The following UBE2R2 variants were observed in gnomAD, a reference collection of about 807,000 sequenced individuals.
The protein encoded by UBE2R2 is ubiquitin-conjugating enzyme E2 R2.
Under a neutral mutation model 27.8 loss-of-function variants are expected in UBE2R2, and 1 was observed. The ratio of observed to expected loss-of-function variants is 0.04; its 90% CI spans 0.01 to 0.17. The LOEUF is 0.17. Among genes scored for constraint, UBE2R2 ranks in the 10% least tolerant of loss-of-function variants. The pLI, the probability that UBE2R2 is intolerant of heterozygous loss-of-function variation, is 1.00. For synonymous variants in UBE2R2, 106 were observed against 113.3 expected (o/e 0.94, Z 0.41); for missense variants, 100 against 291.0 (o/e 0.34, Z 4.78).
At chr9:33,876,373 TAAAC>T (rs1821603098) in intron 1 of UBE2R2, among the ~76,000 whole-genome samples, 1 of 151,578 alleles carries the variant, frequency 6.6e-6, no homozygotes, top group African/African-American at 2.4e-5. Flanking sequence ...AATAAGTAAA[TAAAC>T]AGTTAATAAG....
At chr9:33,893,994 A>G (rs1822042310) in intron 2 of UBE2R2, among the ~76,000 whole-genome samples, 1 of 152,074 alleles carries the variant, frequency 6.6e-6, no homozygotes, top group Admixed American at 6.6e-5. Context: ...CTGGGATTAC[A>G]GGCATGTGAG....
upstream of UBE2R2, among the ~76,000 whole-genome samples, chr9:33,817,065 GGCACGC>G (rs1309329152): frequency 6.6e-6 from 1 of 151,526 alleles, no homozygotes; most frequent in African/African-American, 2.4e-5. Context: ...GGGAGGGAGG[GGCACGC>G]GCACGCGCGT....
chr9:33,830,023 C>T (rs577156474), intron 1 of UBE2R2, among the ~76,000 whole-genome samples: 84 of 152,080 alleles, frequency 5.5e-4, no homozygotes, highest in Non-Finnish European at 9.4e-4. Flanking sequence ...TCTCGAACTC[C>T]CGACCTCTGG....
chr9:33,900,257 T>G lies in UBE2R2; in HGVS notation c.348T>G (p.Pro116=). ...AACTGCCTTCTGAAAGGTGGAATCCTACTCAGAATGTGAGGTAAGGAGGAA... is the reference window on the plus strand; with the variant it reads ...AACTGCCTTCTGAAAGGTGGAATCCGACTCAGAATGTGAGGTAAGGAGGAA... The part of the protein sequence containing the change: ...SGELPSERWN[P]TQNVRTILLS... Residue 116 remains proline, a synonymous_variant, in exon 3 of 5, where the codon CCT becomes CCG. Transcript: ENST00000263228. 6.2e-7 allele frequency: 1 copy of G among 1,612,790 alleles called. No homozygotes were observed. Among genetic ancestry groups the G allele is most frequent in the Non-Finnish European group, 8.5e-7 (1 of 1,179,062 alleles).
rs116160202 is a variant in UBE2R2 at position 33,881,939 on chromosome 9, A to T, written c.178-4942A>T. On this transcript the variant is annotated intron_variant, in intron 1 of 4. Transcript: ENST00000263228. ...CAACTTCACCACCTGAATGTGGATTATGATTATTTGTAGTACTACTGTAAG... is the reference window on the plus strand; with the variant it reads ...CAACTTCACCACCTGAATGTGGATTTTGATTATTTGTAGTACTACTGTAAG... 3.1e-3 allele frequency among the ~76,000 whole-genome samples: 477 copies of T among 152,336 alleles called. 3 individuals are homozygous for T. Among genetic ancestry groups the T allele is most frequent in the African/African-American group, 0.011 (442 of 41,588 alleles).
chr9:33,831,723 G>A (rs1456759264), intron 1 of UBE2R2, among the ~76,000 whole-genome samples: 2 of 151,998 alleles, frequency 1.3e-5, no homozygotes, highest in African/African-American at 4.8e-5. Context: ...GCAGAGGCGC[G>A]GTCTTGGCTC....
chr9:33,887,974 C>T (rs1821900669), intron 2 of UBE2R2, among the ~76,000 whole-genome samples: 1 of 152,214 alleles, frequency 6.6e-6, no homozygotes, highest in African/African-American at 2.4e-5. Flanking sequence ...CGCGCCTGGC[C>T]TACTATTCTA....
chr9:33,903,618 A>AT (rs1822292611), intron 3 of UBE2R2, among the ~76,000 whole-genome samples: 1 of 152,058 alleles, frequency 6.6e-6, no homozygotes, highest in Non-Finnish European at 1.5e-5. Flanking sequence ...TATTATGAAC[A>AT]TTTTTTCTTT....
chr9:33,859,154 A>G (rs1485962457), intron 1 of UBE2R2, among the ~76,000 whole-genome samples: 1 of 152,148 alleles, frequency 6.6e-6, no homozygotes, highest in Non-Finnish European at 1.5e-5. Context: ...TAAAAAATAT[A>G]TGCTATGAAT....
chr9:33,847,601 T>G (rs1820873795), intron 1 of UBE2R2, among the ~76,000 whole-genome samples: 1 of 152,138 alleles, frequency 6.6e-6, no homozygotes, highest in Non-Finnish European at 1.5e-5. Context: ...AGCCATTATC[T>G]TTTCAAATAT....
chr9:33,870,744 C>T (rs912427421), intron 1 of UBE2R2, among the ~76,000 whole-genome samples: 1 of 152,120 alleles, frequency 6.6e-6, no homozygotes. Flanking sequence ...CTGTTAATTT[C>T]ACAACTGAGT....
At chr9:33,887,282 T>C (rs1821881061) in intron 2 of UBE2R2, among the ~76,000 whole-genome samples, 1 of 152,226 alleles carries the variant, frequency 6.6e-6, no homozygotes, top group Non-Finnish European at 1.5e-5. Flanking sequence ...TAATGTAATA[T>C]AAATTTATTT....
intron 3 of UBE2R2, among the ~76,000 whole-genome samples, chr9:33,908,169 G>A (rs2130817478): frequency 6.6e-6 from 1 of 152,308 alleles, no homozygotes; most frequent in Non-Finnish European, 1.5e-5. Flanking sequence ...TATTCCAACA[G>A]TATTATCTCA....
intron 4 of UBE2R2, among the ~76,000 whole-genome samples, chr9:33,916,290 G>A (rs1822640031): frequency 6.6e-6 from 1 of 152,284 alleles, no homozygotes; most frequent in East Asian, 1.9e-4. Context: ...GCAGTGGGCC[G>A]AGATCACGCC....
intron 3 of UBE2R2, among the ~76,000 whole-genome samples, chr9:33,906,113 C>CTGTTGTTGT (rs3060468): frequency 0.076 from 11,493 of 151,232 alleles, 618 homozygotes; most frequent in Non-Finnish European, 0.11. Flanking sequence ...GTCGTTGTTG[C>CTGTTGTTGT]TGTTGTTGTT....
intron 1 of UBE2R2, among the ~76,000 whole-genome samples, chr9:33,822,906 ATT>A (rs542620697): frequency 0.08 from 10,219 of 127,602 alleles, 445 homozygotes; most frequent in Non-Finnish European, 0.12. Context: ...CTTCTTATTA[ATT>A]TTTTTTTTTT....
At chr9:33,909,824 G>C (rs2130819194) in intron 3 of UBE2R2, among the ~76,000 whole-genome samples, 1 of 152,290 alleles carries the variant, frequency 6.6e-6, no homozygotes, top group East Asian at 1.9e-4. Flanking sequence ...GTGATCAATG[G>C]ATTTTAATTA....
rs1453653323 is a variant in UBE2R2, at chr9:33,919,352, T to C, written c.*2115T>C. On this transcript the variant is annotated 3_prime_UTR_variant, in exon 5 of 5. Coordinates refer to ENST00000263228, the MANE Select transcript of UBE2R2 (RefSeq NM_017811.4). ...AGCCAGTAGCTTGGTCTTATTCTCT[T>C]GGAGCCCTAAAATTAAGCCTTTCAT... 1 of 152,140 alleles carries C rather than the reference T, an allele frequency of 6.6e-6. No individual in the cohort carries two copies. The highest frequency in any genetic ancestry group is 1.5e-5 in the Non-Finnish European group (1 of 68,040). 9.4% of individuals were successfully genotyped at this position (152,140 alleles called of 1,614,324 possible). A position where few individuals can be genotyped will look rare whatever the true frequency, so the allele number is the denominator to read the frequency against.
chr9:33,889,399 T>C (rs1035252823), intron 2 of UBE2R2, among the ~76,000 whole-genome samples: 1 of 152,056 alleles, frequency 6.6e-6, no homozygotes, highest in African/African-American at 2.4e-5. Context: ...AGAGACAGGG[T>C]TTCACCGTGT....
Sources: allele counts gnomAD v4.1 joint callset (sites outside exome capture counted in the v4.1 genomes callset), GRCh38; gene constraint gnomAD v4.1.1; transcripts MANE v1.5; gene names NCBI Gene and HGNC (gene_info 2026-07-23, HGNC 2026-07-21).